DIS3L2: variants seen among roughly 807,000 people sequenced by gnomAD.
DIS3L2 encodes the protein DIS3-like exonuclease 2.
DIS3L2 carries 34 observed loss-of-function variants against 97.5 expected under a neutral mutation model. The observed-to-expected ratio is 0.35, with a 90% CI of 0.27 to 0.46. The LOEUF (loss-of-function observed/expected upper bound fraction) is 0.46. Ranked by LOEUF, DIS3L2 falls within the 20% of genes least tolerant of loss-of-function variation. The pLI is 1.00. For synonymous variants in DIS3L2, 435 were observed against 445.2 expected, an observed-to-expected ratio of 0.98 and a Z score of 0.29; for missense variants, 1,038 against 1,146.0, an observed-to-expected ratio of 0.91 and a Z score of 1.36.
intron 11 of DIS3L2, among the ~76,000 whole-genome samples, chr2:232,239,251 T>C (rs891302310): frequency 6.6e-5 from 10 of 152,218 alleles, no homozygotes; most frequent in African/African-American, 2.2e-4. Context: ...GACAGATTCA[T>C]CTCAAAACAT....
At chr2:231,966,292 G>T (rs181988214) in intron 1 of DIS3L2, among the ~76,000 whole-genome samples, 1 of 149,530 alleles carries the variant, frequency 6.7e-6, no homozygotes, top group East Asian at 2.0e-4. Context: ...CCTCAGCCTC[G>T]TGAGTAGCTG....
intron 10 of DIS3L2, among the ~76,000 whole-genome samples, chr2:232,235,360 A>T (rs1222209051): frequency 6.6e-6 from 1 of 152,244 alleles, no homozygotes; most frequent in Non-Finnish European, 1.5e-5. Flanking sequence ...TAGAATAAAA[A>T]GTTCAGTGCC....
intron 7 of DIS3L2, among the ~76,000 whole-genome samples, chr2:232,135,950 T>C (rs901095018): frequency 6.6e-6 from 1 of 152,034 alleles, no homozygotes; most frequent in Non-Finnish European, 1.5e-5. Flanking sequence ...TGTGGTGGAG[T>C]GGTGGCCTCA....
At chr2:232,073,048 A>G (rs1696082162) in intron 5 of DIS3L2, among the ~76,000 whole-genome samples, 1 of 152,188 alleles carries the variant, frequency 6.6e-6, no homozygotes, top group Non-Finnish European at 1.5e-5. Context: ...TATGTCTTTT[A>G]AATGATAGTG....
intron 4 of DIS3L2, among the ~76,000 whole-genome samples, chr2:232,026,478 A>G (rs575945817): frequency 4.0e-5 from 6 of 151,862 alleles, no homozygotes; most frequent in East Asian, 2.0e-4. Flanking sequence ...ATCCTATCCC[A>G]TGTATCTAAG....
chr2:232,209,064 G>T (rs1362620667), intron 9 of DIS3L2, among the ~76,000 whole-genome samples: 4 of 152,152 alleles, frequency 2.6e-5, no homozygotes. Flanking sequence ...TATATTTAAT[G>T]TGGTGGGGTT....
rs750805478 is a variant in DIS3L2, at chr2:232,330,016, C to T, written c.1923+20C>T. On this transcript the variant is annotated intron_variant, in intron 15 of 20. Transcript: ENST00000325385. ...CTCAATGTGAGTGGTGGGCAGGATTCGGGGGAGGCCCTGCTTGGGGGAAAG... is the reference window on the plus strand; with the variant it reads ...CTCAATGTGAGTGGTGGGCAGGATTTGGGGGAGGCCCTGCTTGGGGGAAAG... The T allele has an allele frequency of 5.7e-6, 9 of 1,589,892 alleles. No homozygotes were observed. Among genetic ancestry groups the T allele is most frequent in the South Asian group, 4.5e-5 (4 of 89,056 alleles).
intron 11 of DIS3L2, among the ~76,000 whole-genome samples, chr2:232,244,779 G>A (rs1204615533): frequency 6.6e-6 from 1 of 152,152 alleles, no homozygotes; most frequent in Non-Finnish European, 1.5e-5. Context: ...GAGGTCTGAG[G>A]AGAATAGTAA....
chr2:232,074,263 T>C (rs896651016), intron 5 of DIS3L2, among the ~76,000 whole-genome samples: 2 of 152,202 alleles, frequency 1.3e-5, no homozygotes, highest in Non-Finnish European at 2.9e-5. Flanking sequence ...TCCAGACACA[T>C]TGTGTTAATG....
intron 6 of DIS3L2, among the ~76,000 whole-genome samples, chr2:232,095,636 G>A (rs1430388811): frequency 6.6e-6 from 1 of 152,178 alleles, no homozygotes; most frequent in Non-Finnish European, 1.5e-5. Flanking sequence ...GTTTTTCTGT[G>A]TACCTACTAT....
chr2:232,006,598 T>C lies in DIS3L2; in HGVS notation c.-93-8237T>C, dbSNP rs1454025458. On this transcript the variant is annotated intron_variant, in intron 1 of 20. Transcript: ENST00000325385. Reference sequence around the variant, plus strand: ...CTTGCCGGTATTATTCAGCAGGATGTTGGAAAGTTAAAGAAGAGCTTTGAA... The same window carrying C: ...CTTGCCGGTATTATTCAGCAGGATGCTGGAAAGTTAAAGAAGAGCTTTGAA... Among the ~76,000 whole-genome samples the C allele has an allele frequency of 7.2e-5, 11 of 152,272 alleles. No homozygotes were observed. In the East Asian group the frequency reaches 2.1e-3, roughly 29 times the overall value.
chr2:232,186,659 T>G (rs772430065), intron 9 of DIS3L2, among the ~76,000 whole-genome samples: 1 of 152,190 alleles, frequency 6.6e-6, no homozygotes, highest in African/African-American at 2.4e-5. Flanking sequence ...AAATTTTAGC[T>G]AATCAAATCC....
intron 8 of DIS3L2, among the ~76,000 whole-genome samples, chr2:232,149,142 C>T (rs1405459084): frequency 6.7e-6 from 1 of 150,272 alleles, no homozygotes; most frequent in African/African-American, 2.5e-5. Flanking sequence ...AAAAAAGATA[C>T]CCTGCACCAG....
In DIS3L2 at chr2:232,087,718, A is replaced by G. The variant is rs1384611053; in HGVS notation, c.598A>G (p.Lys200Glu). ...GAAACTCTCAGTTTGTGTTTCTGAGAAAGGTGAGTACTAGACTATTGTCTT... is the reference window on the plus strand; with the variant it reads ...GAAACTCTCAGTTTGTGTTTCTGAGGAAGGTGAGTACTAGACTATTGTCTT... ...VKKLSVCVSE[K>E]GREDGDAPVT... is the part of the protein sequence containing the mutation. Residue 200 changes from lysine (K) to glutamate (E), a missense_variant, in exon 6 of 21, where the codon AAA (lysine) becomes GAA (glutamate). Lys to Glu is a moderately conservative substitution (Grantham distance 56, BLOSUM62 1). Around this residue, in one of 3 missense-constraint regions of DIS3L2, gnomAD observed 813 missense variants for 880.1 expected, o/e 0.92. Transcript: ENST00000325385. 2.5e-6 allele frequency: 4 copies of G among 1,612,620 alleles called. No homozygotes were observed. The Admixed American group carries it at 5.0e-5, about 20-fold the overall frequency.
chr2:232,066,792 A>G (rs747054994), intron 5 of DIS3L2, among the ~76,000 whole-genome samples: 4 of 151,908 alleles, frequency 2.6e-5, no homozygotes, highest in Non-Finnish European at 1.5e-5. Flanking sequence ...TTTTTTTGAC[A>G]TTCCTATTAT....
chr2:232,298,227 CT>C (rs1694767781), intron 13 of DIS3L2, among the ~76,000 whole-genome samples: 1 of 152,150 alleles, frequency 6.6e-6, no homozygotes, highest in African/African-American at 2.4e-5. Context: ...ATAAATAACA[CT>C]GGGGGGAACA....
chr2:232,056,590 A>G (rs1385476626), intron 5 of DIS3L2, among the ~76,000 whole-genome samples: 2 of 152,322 alleles, frequency 1.3e-5, no homozygotes, highest in East Asian at 1.9e-4. Context: ...GAGAAAAAAA[A>G]CAGACAACAA....
At chr2:232,104,845 T>G (rs992856362) in intron 6 of DIS3L2, among the ~76,000 whole-genome samples, 1 of 152,180 alleles carries the variant, frequency 6.6e-6, no homozygotes, top group African/African-American at 2.4e-5. Flanking sequence ...ACTCAGAGGG[T>G]CTGGCTGTGT....
chr2:232,028,466 T>C (rs1210406132), intron 4 of DIS3L2, among the ~76,000 whole-genome samples: 1 of 152,170 alleles, frequency 6.6e-6, no homozygotes, highest in Non-Finnish European at 1.5e-5. Flanking sequence ...TTTTGTGTTG[T>C]CTGAGGTTCA....
Sources: allele counts gnomAD v4.1 joint callset (sites outside exome capture counted in the v4.1 genomes callset), GRCh38; gene constraint gnomAD v4.1.1; regional missense constraint gnomAD v4.1.1; transcripts MANE v1.5; gene names NCBI Gene and HGNC (gene_info 2026-07-23, HGNC 2026-07-21).